Variants in DET1 observed in about 807,000 individuals in gnomAD.
The protein encoded by DET1 is DET1 partner of COP1 E3 ubiquitin ligase, also known as DET1 homolog.
DET1 carries 22 observed loss-of-function variants against 43.7 expected under a neutral mutation model. That is an observed-to-expected ratio of 0.50 (90% CI 0.36 to 0.72). The LOEUF is 0.72. DET1 is among the 30% of genes least tolerant of loss of function. DET1 has a pLI of 0.00. For missense variants in DET1, 713 were observed against 713.3 expected, an observed-to-expected ratio of 1.00 and a Z score of 0.00; for synonymous variants, 315 against 266.2, an observed-to-expected ratio of 1.18 and a Z score of -1.79.
rs1310804252 is a variant in DET1 at position 88,504,479 on chromosome 15, G to A, written c.*2066-492C>T. 1 of 152,090 alleles carries A rather than the reference G, an allele frequency of 6.6e-6. No homozygotes were observed. The highest frequency in any genetic ancestry group is 6.5e-5 in the Admixed American group (1 of 15,268). 9.4% of individuals were successfully genotyped at this position (152,090 alleles called of 1,614,324 possible). A position where few individuals can be genotyped will look rare whatever the true frequency, so the allele number is the denominator to read the frequency against. ...TAAACCATGACAATGCTTATTGCTTGGAATCATTTTTATATTATATTAACC... is the reference window on the plus strand; with the variant it reads ...TAAACCATGACAATGCTTATTGCTTAGAATCATTTTTATATTATATTAACC... On this transcript the variant is annotated intron_variant and NMD_transcript_variant, in intron 7 of 8. Transcript: ENST00000557842. The surrounding 1 kb of genome is among the most constrained non-coding windows in gnomAD (Gnocchi z 4.7).
At chr15:88,542,786 TG>T (rs1324524758) in intron 1 of DET1, among the ~76,000 whole-genome samples, 1 of 152,068 alleles carries the variant, frequency 6.6e-6, no homozygotes, top group Non-Finnish European at 1.5e-5. Flanking sequence ...CAAGGAACCT[TG>T]GGTTCCCACC....
chr15:88,522,361 C>T (rs1173206229), intron 3 of DET1, among the ~76,000 whole-genome samples: 1 of 152,010 alleles, frequency 6.6e-6, no homozygotes, highest in African/African-American at 2.4e-5. Flanking sequence ...GATATTTGGC[C>T]TCCTAGGCAG....
At chr15:88,540,178 T>A (rs1013144538) in intron 1 of DET1, among the ~76,000 whole-genome samples, 1 of 152,100 alleles carries the variant, frequency 6.6e-6, no homozygotes, top group East Asian at 1.9e-4. Flanking sequence ...TTAAGCTATT[T>A]GCCTTTGAGT....
chr15:88,534,375 A>G (rs1270887900), intron 1 of DET1, among the ~76,000 whole-genome samples: 3 of 152,250 alleles, frequency 2.0e-5, no homozygotes, highest in African/African-American at 4.8e-5. Context: ...AGAAAAACCA[A>G]TTGGCTAACA....
intron 3 of DET1, among the ~76,000 whole-genome samples, chr15:88,522,341 G>A (rs1468518325): frequency 6.6e-6 from 1 of 151,638 alleles, no homozygotes; most frequent in East Asian, 1.9e-4. Context: ...GCTTCTTCAG[G>A]AATTAGACAG....
At chr15:88,530,201 G>A (rs1275166582) in intron 2 of DET1, among the ~76,000 whole-genome samples, 2 of 152,158 alleles carry the variant, frequency 1.3e-5, no homozygotes, top group African/African-American at 4.8e-5. Context: ...GATGAAAGTG[G>A]GGTTACTTAG....
intron 3 of DET1, among the ~76,000 whole-genome samples, chr15:88,525,472 G>A (rs927599038): frequency 6.6e-6 from 1 of 152,136 alleles, no homozygotes; most frequent in Non-Finnish European, 1.5e-5. Flanking sequence ...TTGGAAAACA[G>A]AGTTCCTTCT....
In DET1 at chr15:88,531,689, G is replaced by T; in HGVS notation, c.17C>A (p.Ser6Tyr). The T allele has an allele frequency of 6.2e-7, 1 of 1,608,378 alleles. No homozygotes were observed. The highest frequency in any genetic ancestry group is 2.2e-5 in the East Asian group (1 of 44,692). Residue 6 changes from serine to tyrosine, a missense_variant, in exon 2 of 5, where the codon TCT becomes TAT. Coordinates refer to ENST00000268148, the MANE Select transcript of DET1 (RefSeq NM_001144074.3). The surrounding 1 kb of genome is among the most constrained non-coding windows in gnomAD (Gnocchi z 6.2). MDHHVSTIKPRRIQNQ... is the reference protein window; with the variant it reads MDHHVYTIKPRRIQNQ... ...TTGGATTCTTCGAGGCTTGATGGTA[G>T]AAACATGATGATCCATTATCACATC...
At position 88,539,515 on chromosome 15, in the gene DET1, GTTTGT is replaced by G. The variant is rs1196623608; in HGVS notation, c.-11+7020_-11+7024del. Among the ~76,000 whole-genome samples the G allele has an allele frequency of 6.0e-5, 9 of 149,720 alleles. No homozygotes were observed. In the South Asian group the frequency reaches 8.4e-4, roughly 14 times the overall value. Reference sequence around the variant, plus strand: ...TGTTTACCTGCCCTAGGGTCAAATTGTTTGTTTTATGTTTATTTTTCTGCTTAGTG... The same window carrying G: ...TGTTTACCTGCCCTAGGGTCAAATTGTTTATGTTTATTTTTCTGCTTAGTG... On this transcript the variant is annotated intron_variant, in intron 1 of 4. Transcript: ENST00000268148.
At chr15:88,523,899 C>T (rs1031216943) in intron 3 of DET1, among the ~76,000 whole-genome samples, 1 of 151,112 alleles carries the variant, frequency 6.6e-6, no homozygotes, top group Non-Finnish European at 1.5e-5. Context: ...CCTGGCCGCC[C>T]ATCGTCTGGG....
In DET1 at chr15:88,516,512, AG is replaced by A. The variant is rs1465589512; in HGVS notation, c.1463+269del. ...ATGGTATTAGATTATTAAATGGGAAAGTACAGCTTCCTCCCCTGGATACCTT... is the reference window on the plus strand; with the variant it reads ...ATGGTATTAGATTATTAAATGGGAAATACAGCTTCCTCCCCTGGATACCTT... On this transcript the variant is annotated intron_variant, in intron 4 of 4. Coordinates refer to ENST00000268148, the MANE Select transcript of DET1 (RefSeq NM_001144074.3). This position sits in a 1 kb window ranked among gnomAD's most constrained non-coding sequence, Gnocchi z 4.4. Among the ~76,000 whole-genome samples, 3 of 152,208 alleles carry A rather than the reference AG, an allele frequency of 2.0e-5. No individual in the cohort carries two copies. The highest frequency in any genetic ancestry group is 4.4e-5 in the Non-Finnish European group (3 of 68,034).
At chr15:88,507,626 T>C (rs531691512), downstream of DET1, among the ~76,000 whole-genome samples, 8 of 152,350 alleles carry the variant, frequency 5.3e-5, no homozygotes, top group Non-Finnish European at 7.3e-5. Context: ...TTCAGGTCAA[T>C]GGTACAATGA....
At chr15:88,510,057 A>G (rs1172782341), downstream of DET1, among the ~76,000 whole-genome samples, 1 of 152,212 alleles carries the variant, frequency 6.6e-6, no homozygotes, top group Non-Finnish European at 1.5e-5. Flanking sequence ...TCTTTTAGCT[A>G]TAGCAGTTTA....
intron 1 of DET1, among the ~76,000 whole-genome samples, chr15:88,538,653 C>T (rs1192765791): frequency 3.9e-5 from 6 of 152,102 alleles, no homozygotes; most frequent in Non-Finnish European, 7.4e-5. Context: ...AATGGAGGCC[C>T]CAGCGAGAAA....
At chr15:88,508,641 C>T (rs531459323), downstream of DET1, among the ~76,000 whole-genome samples, 2 of 152,270 alleles carry the variant, frequency 1.3e-5, no homozygotes, top group African/African-American at 2.4e-5. Flanking sequence ...TAGAGGTGAC[C>T]ACTGTATTGG....
chr15:88,521,067 G>T (rs1052917707), intron 3 of DET1, among the ~76,000 whole-genome samples: 1 of 152,080 alleles, frequency 6.6e-6, no homozygotes, highest in Non-Finnish European at 1.5e-5. Context: ...CCATAGAATG[G>T]CCTTATGTAT....
At chr15:88,535,441 A>C (rs1464159135) in intron 1 of DET1, among the ~76,000 whole-genome samples, 1 of 151,842 alleles carries the variant, frequency 6.6e-6, no homozygotes, top group Non-Finnish European at 1.5e-5. Flanking sequence ...ATGCTAAGAA[A>C]AAAAAAAAAA....
At position 88,515,538 on chromosome 15, in the gene DET1, TATAAA is replaced by T. The variant is rs1302778828; in HGVS notation, c.1463+1239_1463+1243del. The stretch of plus-strand genomic sequence containing the variant: ...TGGGCAACAGACAGAGACTCCGTCT[TATAAA>T]AAAAAAAAAAAAAAAAAAAAAAAAA... On this transcript the variant is annotated intron_variant, in intron 4 of 4. Coordinates refer to ENST00000268148, the MANE Select transcript of DET1 (RefSeq NM_001144074.3). Among the ~76,000 whole-genome samples, 12 of 47,480 alleles carry T rather than the reference TATAAA, an allele frequency of 2.5e-4. 1 individual carries two copies. The highest frequency in any genetic ancestry group is 3.7e-4 in the Admixed American group (1 of 2,720). 31.1% of individuals were successfully genotyped at this position (47,480 alleles called of 152,430 possible).
At chr15:88,532,242 G>T (rs555913801) in intron 1 of DET1, among the ~76,000 whole-genome samples, 2 of 152,194 alleles carry the variant, frequency 1.3e-5, no homozygotes. Context: ...CATCGAAGCT[G>T]CAATAAGCCG....
Sources: allele counts gnomAD v4.1 joint callset (sites outside exome capture counted in the v4.1 genomes callset), GRCh38; gene constraint gnomAD v4.1.1; non-coding constraint Gnocchi (gnomAD v3.1); transcripts MANE v1.5; gene names NCBI Gene and HGNC (gene_info 2026-07-23, HGNC 2026-07-21).